Variants in CDC42BPA observed in about 807,000 individuals in gnomAD.
CDC42BPA encodes the protein CDC42 binding protein kinase alpha.
CDC42BPA carries 80 observed loss-of-function variants against 223.5 expected under a neutral mutation model. The observed-to-expected ratio is 0.36, with a 90% CI of 0.30 to 0.43. The LOEUF (loss-of-function observed/expected upper bound fraction) is 0.43, where lower values mean the gene tolerates loss of function less well. Among genes scored for constraint, CDC42BPA ranks in the 20% least tolerant of loss-of-function variants. CDC42BPA has a pLI of 1.00. For missense variants in CDC42BPA, 1,743 were observed against 2,099.9 expected (o/e 0.83, Z 3.32); for synonymous variants, 694 against 718.6 (o/e 0.97, Z 0.55).
At chr1:227,035,758 C>A in intron 24 of CDC42BPA, 151 bp from the exon 25 acceptor site, 1 of 559,398 alleles carries the variant, frequency 1.8e-6, no homozygotes, top group Non-Finnish European at 3.0e-6. Context: ...GTAGCTGATT[C>A]ATTTGCTTAC....
chr1:227,065,061 C>CACTCCAGCCTGTGTGAGAGAGCGAG (rs1558413675), intron 21 of CDC42BPA, among the ~76,000 whole-genome samples: 14 of 150,746 alleles, frequency 9.3e-5, no homozygotes, highest in African/African-American at 3.0e-4. Flanking sequence ...CGCGCCACTG[C>CACTCCAGCCTGTGTGAGAGAGCGAG]ACTCCAGCCT....
At chr1:227,301,561 T>C (rs1691633347) in intron 1 of CDC42BPA, among the ~76,000 whole-genome samples, 1 of 152,146 alleles carries the variant, frequency 6.6e-6, no homozygotes, top group Non-Finnish European at 1.5e-5. Context: ...GGTTTCACTA[T>C]GTTGGCTAGG....
intron 35 of CDC42BPA, among the ~76,000 whole-genome samples, chr1:227,000,093 TATA>T (rs10605581): frequency 0.23 from 29,748 of 130,226 alleles, 3,417 homozygotes; most frequent in South Asian, 0.37. Flanking sequence ...GAACTTAAAG[TATA>T]ATAATAATAA....
chr1:227,017,331 G>A (rs1166756730), intron 32 of CDC42BPA, among the ~76,000 whole-genome samples: 1 of 152,038 alleles, frequency 6.6e-6, no homozygotes, highest in African/African-American at 2.4e-5. Flanking sequence ...AGTTGCCTTG[G>A]TGTTCTGTCA....
rs974438056 is a variant in CDC42BPA, at chr1:227,317,658, A to AG, written c.-477dup. Reference sequence around the variant, plus strand: ...CGGGAAGAAGAAAAACAGAAAAGGGAGGAAAAAAACAGAATGCATAGAAGG... The same window carrying AG: ...CGGGAAGAAGAAAAACAGAAAAGGGAGGGAAAAAAACAGAATGCATAGAAGG... On this transcript the variant is annotated 5_prime_UTR_variant, in exon 1 of 37. The change abolishes the stop of an existing upstream ORF in the 5' untranslated region. Transcript: ENST00000366766. 1 of 395,218 alleles carries AG rather than the reference A, an allele frequency of 2.5e-6. No homozygotes were observed. Among genetic ancestry groups the AG allele is most frequent in the Non-Finnish European group, 4.5e-6 (1 of 224,378 alleles). 24.5% of individuals were successfully genotyped at this position (395,218 alleles called of 1,614,324 possible). A position where few individuals can be genotyped will look rare whatever the true frequency, so the allele number is the denominator to read the frequency against.
chr1:227,191,659 ACT>A (rs1198171122), intron 5 of CDC42BPA, among the ~76,000 whole-genome samples: 2 of 151,232 alleles, frequency 1.3e-5, no homozygotes, highest in African/African-American at 2.4e-5. Flanking sequence ...CAAGCCTAAG[ACT>A]CTATGTTTAG....
chr1:227,279,760 A>T (rs1687711379), intron 1 of CDC42BPA, among the ~76,000 whole-genome samples: 1 of 152,130 alleles, frequency 6.6e-6, no homozygotes, highest in Admixed American at 6.5e-5. Context: ...CACAAAATTT[A>T]ACATACTGTA....
intron 5 of CDC42BPA, among the ~76,000 whole-genome samples, chr1:227,176,376 G>C (rs1282359621): frequency 2.6e-5 from 4 of 152,018 alleles, no homozygotes; most frequent in African/African-American, 4.8e-5. Context: ...GATAAAATTA[G>C]AATACTCCAT....
At chr1:227,313,009 T>A (rs975206312) in intron 1 of CDC42BPA, among the ~76,000 whole-genome samples, 4 of 152,114 alleles carry the variant, frequency 2.6e-5, no homozygotes, top group Admixed American at 2.0e-4. Flanking sequence ...TCTCTATAAA[T>A]TACTCAGTCT....
rs1660648233 is a variant in CDC42BPA, at chr1:226,990,782, T to C, written c.*3486A>G. 6.6e-6 allele frequency: 1 copy of C among 152,614 alleles called. No individual in the cohort carries two copies. The highest frequency in any genetic ancestry group is 1.5e-5 in the Non-Finnish European group (1 of 68,036). 9.5% of individuals were successfully genotyped at this position (152,614 alleles called of 1,614,324 possible). ...TAGACGTGGCCACTAAGTAACAAAA[T>C]GACATAATTCTAACCTATGGAAGGA... On this transcript the variant is annotated 3_prime_UTR_variant, in exon 37 of 37. Transcript: ENST00000366766.
chr1:227,279,842 A>C (rs1404907569), intron 1 of CDC42BPA, among the ~76,000 whole-genome samples: 1 of 152,156 alleles, frequency 6.6e-6, no homozygotes, highest in African/African-American at 2.4e-5. Context: ...AGATCACTTG[A>C]GGTTAGGAGT....
chr1:227,246,145 A>G (rs1016991304), intron 2 of CDC42BPA, among the ~76,000 whole-genome samples: 1 of 152,178 alleles, frequency 6.6e-6, no homozygotes, highest in Non-Finnish European at 1.5e-5. Flanking sequence ...CTTTAAGTGA[A>G]CACTGGTGGT....
At chr1:227,181,026 T>C (rs1173592468) in intron 5 of CDC42BPA, among the ~76,000 whole-genome samples, 1 of 152,016 alleles carries the variant, frequency 6.6e-6, no homozygotes, top group African/African-American at 2.4e-5. Flanking sequence ...AGAAATAACC[T>C]CTACTCCCAA....
Position 227,029,212 on chromosome 1 carries a change from T to C in CDC42BPA, c.3877A>G (p.Ile1293Val). 6.3e-7 allele frequency: 1 copy of C among 1,594,872 alleles called. No individual in the cohort carries two copies. The highest frequency in any genetic ancestry group is 1.3e-5 in the African/African-American group (1 of 74,960). ...AGCTGATCATTTGGAATGAGTTCAA[T>C]CTGATGAATCTTCTTATTGTCACCA... ...RVGDNKKIHQIELIPNDQLVA... is the reference protein window; with the variant it reads ...RVGDNKKIHQVELIPNDQLVA... Residue 1293 changes from isoleucine (I) to valine (V), a missense_variant, in exon 30 of 37, where the codon ATT becomes GTT. Ile to Val is a conservative substitution (Grantham distance 29). This residue lies in a region of CDC42BPA where 678 missense variants were observed against 777.5 expected (regional missense o/e 0.87). Coordinates refer to ENST00000366766, the MANE Select transcript of CDC42BPA (RefSeq NM_001394014.1).
At chr1:227,161,451 A>T (rs1663878153) in intron 5 of CDC42BPA, among the ~76,000 whole-genome samples, 1 of 152,174 alleles carries the variant, frequency 6.6e-6, no homozygotes, top group Admixed American at 6.5e-5. Context: ...ATATTTTTTA[A>T]AAAATTACAT....
chr1:227,239,209 A>G (rs1305267124), intron 2 of CDC42BPA, among the ~76,000 whole-genome samples: 1 of 152,196 alleles, frequency 6.6e-6, no homozygotes, highest in African/African-American at 2.4e-5. Context: ...TATTCTGGAA[A>G]AGGCAAAAGT....
At chr1:227,302,644 A>G (rs76410949) in intron 1 of CDC42BPA, among the ~76,000 whole-genome samples, 7,651 of 152,236 alleles carry the variant, frequency 0.05, 278 homozygotes, top group Non-Finnish European at 0.075. Context: ...GGCCCCTTCT[A>G]TCTAGGAACT....
At chr1:227,027,627 ACT>A (rs1449429422) in intron 30 of CDC42BPA, among the ~76,000 whole-genome samples, 1 of 151,614 alleles carries the variant, frequency 6.6e-6, no homozygotes, top group Non-Finnish European at 1.5e-5. Flanking sequence ...CTTCTACAGA[ACT>A]CTCTACTTCT....
chr1:227,161,285 C>A (rs1408328730), intron 5 of CDC42BPA, among the ~76,000 whole-genome samples: 1 of 152,078 alleles, frequency 6.6e-6, no homozygotes, highest in Non-Finnish European at 1.5e-5. Flanking sequence ...GAAAAATAAT[C>A]ATATATAAAA....
Sources: gnomAD v4.1 joint callset for allele counts (sites outside exome capture counted in the v4.1 genomes callset) on GRCh38, gnomAD v4.1.1 for gene constraint, gnomAD v4.1.1 regional missense constraint, MANE v1.5 for transcripts, NCBI Gene and HGNC (gene_info 2026-07-23, HGNC 2026-07-21) for gene names.